Variants in CACNA1A observed in about 807,000 individuals in gnomAD.
CACNA1A encodes voltage-dependent P/Q-type calcium channel subunit alpha-1A.
CACNA1A carries 57 observed loss-of-function variants against 262.4 expected under a neutral mutation model. The ratio of observed to expected loss-of-function variants is 0.22; its 90% CI spans 0.18 to 0.27. The LOEUF is 0.27. Among genes scored for constraint, CACNA1A ranks in the 10% least tolerant of loss-of-function variants. The pLI, the probability that CACNA1A is intolerant of heterozygous loss-of-function variation, is 1.00. For synonymous variants in CACNA1A, 1,431 were observed against 1,419.3 expected (o/e 1.01, Z -0.18); for missense variants, 2,526 against 3,562.8 (o/e 0.71, Z 7.41).
At chr19:13,288,365 G>A (rs1399464111) in intron 19 of CACNA1A, among the ~76,000 whole-genome samples, 1 of 151,474 alleles carries the variant, frequency 6.6e-6, no homozygotes, top group Non-Finnish European at 1.5e-5. Context: ...TCAGCCTCCC[G>A]AATAGCTGGG....
In CACNA1A at chr19:13,308,564, G is replaced by A; in HGVS notation, c.1669-36C>T. 1 of 1,364,570 alleles carries A rather than the reference G, an allele frequency of 7.3e-7. No individual in the cohort carries two copies. Among genetic ancestry groups the A allele is most frequent in the Non-Finnish European group, 1.0e-6 (1 of 972,736 alleles). 84.5% of individuals were successfully genotyped at this position (1,364,570 alleles called of 1,614,324 possible). On this transcript the variant is annotated intron_variant, in intron 12 of 46. Transcript: ENST00000360228. This position sits in a 1 kb window ranked among gnomAD's most constrained non-coding sequence, Gnocchi z 4.2. ...GAACCTGGTCTCATGTCCAGGGACA[G>A]TGTCTGGGCTCCAGAACTGGCAAGC...
chr19:13,313,635 A>G (rs917430778), intron 11 of CACNA1A, among the ~76,000 whole-genome samples: 6 of 152,012 alleles, frequency 3.9e-5, no homozygotes, highest in African/African-American at 1.4e-4. Flanking sequence ...CCCTGGTTCG[A>G]TGAGAAGGAT....
chr19:13,215,008 G>T (rs2054948216), intron 38 of CACNA1A: 2 of 167,356 alleles, frequency 1.2e-5, no homozygotes, highest in South Asian at 1.5e-4. Context: ...GTGTGTGTGT[G>T]TGTGTTTTTT....
chr19:13,234,762 A>T, intron 34 of CACNA1A, 159 bp downstream of exon 34: 1 of 559,628 alleles, frequency 1.8e-6, no homozygotes, highest in Non-Finnish European at 3.2e-6. Context: ...CACGCCCCCT[A>T]CCGGAAAAGA....
chr19:13,266,242 GGA>G, intron 24 of CACNA1A, among the ~76,000 whole-genome samples: 1 of 151,968 alleles, frequency 6.6e-6, no homozygotes, highest in African/African-American at 2.4e-5. Context: ...TTAAAGAGAT[GGA>G]ATCTCAGGGG....
intron 22 of CACNA1A, among the ~76,000 whole-genome samples, chr19:13,282,991 C>G (rs1467045749): frequency 6.6e-6 from 1 of 152,164 alleles, no homozygotes; most frequent in East Asian, 1.9e-4. Context: ...TCCTGCTAGT[C>G]TCACGCCTCC....
In CACNA1A at chr19:13,283,283, T is replaced by C. The variant is rs997272721; in HGVS notation, c.3806A>G (p.Asn1269Ser). The change falls in exon 22 of 47, where the codon AAC (asparagine) becomes AGC (serine). Residue 1269 changes from asparagine to serine, a missense_variant. By Grantham distance (46) the Asn-to-Ser change is conservative. Around this residue, in one of 17 missense-constraint regions of CACNA1A, gnomAD observed 137 missense variants for 377.7 expected, o/e 0.36. Transcript: ENST00000360228. ...GGGACTCACGTTGTTCCGAGGTGCG[T>C]TGGGCTGCACAGGGTCCTCGGCGGC... ...ALAAEDPVQPNAPRNNVLRYF... is the reference protein window; with the variant it reads ...ALAAEDPVQPSAPRNNVLRYF... 7.4e-6 allele frequency: 12 copies of C among 1,613,914 alleles called. No individual in the cohort carries two copies. The highest frequency in any genetic ancestry group is 1.3e-5 in the African/African-American group (1 of 75,014).
intron 1 of CACNA1A, among the ~76,000 whole-genome samples, chr19:13,455,529 AAGAGGAGAAGCTTCCTCCTGCTTCCC>A (rs1216220154): frequency 6.6e-6 from 1 of 152,260 alleles, no homozygotes; most frequent in Non-Finnish European, 1.5e-5. Flanking sequence ...CAAAGCAGAC[AAGAGGAGAAGCTTCCTCCTGCTTCCC>A]AGAGGAGAAG....
chr19:13,422,463 G>C (rs1160549137), intron 3 of CACNA1A, among the ~76,000 whole-genome samples: 1 of 152,224 alleles, frequency 6.6e-6, no homozygotes, highest in Non-Finnish European at 1.5e-5. Context: ...GACTTGGTGA[G>C]ATTTATATTC....
At chr19:13,265,491 C>G (rs2056840852) in intron 24 of CACNA1A, among the ~76,000 whole-genome samples, 1 of 152,312 alleles carries the variant, frequency 6.6e-6, no homozygotes, top group East Asian at 1.9e-4. Context: ...GGATTCAGAA[C>G]TCTGAACCTT....
chr19:13,461,389 C>G (rs2061121293), intron 1 of CACNA1A, among the ~76,000 whole-genome samples: 1 of 135,704 alleles, frequency 7.4e-6, no homozygotes, highest in Admixed American at 7.7e-5. Flanking sequence ...ACAAAAATCA[C>G]CGGTGGAGGA....
intron 30 of CACNA1A, among the ~76,000 whole-genome samples, chr19:13,250,403 T>A (rs564303702): frequency 7.5e-4 from 113 of 150,368 alleles, no homozygotes; most frequent in Non-Finnish European, 1.0e-3. Context: ...TAATTTAATT[T>A]ATTTATTTAT....
At chr19:13,209,262 C>G (rs1876399571) in intron 45 of CACNA1A, 50 bp downstream of exon 45, 4 of 1,434,302 alleles carry the variant, frequency 2.8e-6, no homozygotes, top group South Asian at 1.5e-5. Context: ...TTCTCCTCCC[C>G]TCTCCTCTCC....
chr19:13,485,123 G>T (rs1431424452), intron 1 of CACNA1A, among the ~76,000 whole-genome samples: 4 of 152,138 alleles, frequency 2.6e-5, no homozygotes, highest in African/African-American at 9.7e-5. Flanking sequence ...CAGTCAAGAG[G>T]TTGTCTTGCA....
chr19:13,207,295 G>T lies in CACNA1A; in HGVS notation c.*18C>A. On this transcript the variant is annotated 3_prime_UTR_variant, in exon 47 of 47. Transcript: ENST00000360228. This position sits in a 1 kb window ranked among gnomAD's most constrained non-coding sequence, Gnocchi z 5.7. ...GTGGGGTGCGTGGGGGGCCGGGCGG[G>T]CGCCACCTCGCCCGGGCTTAGCACC... 1.3e-6 allele frequency: 2 copies of T among 1,539,572 alleles called. No individual in the cohort carries two copies. Among genetic ancestry groups the T allele is most frequent in the Non-Finnish European group, 8.7e-7 (1 of 1,149,954 alleles).
intron 19 of CACNA1A, 77 bp from the exon 20 acceptor site, chr19:13,287,043 G>T: frequency 8.3e-7 from 1 of 1,207,822 alleles, no homozygotes; most frequent in Non-Finnish European, 1.1e-6. Flanking sequence ...TCCTAGCTAA[G>T]ATTCCATCTT....
chr19:13,209,101 G>A (rs569802590), intron 45 of CACNA1A, 92 bp from the exon 46 acceptor site: 168 of 1,505,562 alleles, frequency 1.1e-4, no homozygotes, highest in Middle Eastern at 7.1e-4. Context: ...GAAGGTGTGG[G>A]GGCCCTAGAG....
chr19:13,425,096 G>A lies in CACNA1A; in HGVS notation c.539+27780C>T, dbSNP rs937619054. Among the ~76,000 whole-genome samples, 9 of 152,210 alleles carry A rather than the reference G, an allele frequency of 5.9e-5. No individual in the cohort carries two copies. In the South Asian group the frequency reaches 1.0e-3, roughly 18 times the overall value. On this transcript the variant is annotated intron_variant, in intron 3 of 46. Transcript: ENST00000360228. ...TGGGATTACAGGTGTGAGCCACTGC[G>A]CCTGGCCCAGACATCTATTTCTAAT...
In CACNA1A at chr19:13,365,851, G is replaced by A. The variant is rs139155427; in HGVS notation, c.632-382C>T. ...CCTGGCTAAGTTTTAAAACTTGTTT[G>A]TAGAGATGGGGTCTTGCTATGTTGC... On this transcript the variant is annotated intron_variant, in intron 4 of 46. Transcript: ENST00000360228. 23 of 163,044 alleles carry A rather than the reference G, an allele frequency of 1.4e-4. No individual in the cohort carries two copies. The East Asian group carries it at 3.5e-3, about 24-fold the overall frequency. The allele number at this position is 163,044 out of a possible 1,614,324, so 10.1% of individuals were successfully genotyped here.
Sources: allele counts gnomAD v4.1 joint callset (sites outside exome capture counted in the v4.1 genomes callset), GRCh38; gene constraint gnomAD v4.1.1; regional missense constraint gnomAD v4.1.1; non-coding constraint Gnocchi (gnomAD v3.1); transcripts MANE v1.5; gene names NCBI Gene and HGNC (gene_info 2026-07-23, HGNC 2026-07-21).